Variants in SLC9C1 observed in about 807,000 individuals in gnomAD.
SLC9C1 encodes solute carrier family 9 member C1.
In SLC9C1, 97 loss-of-function variants were observed where a neutral mutation model predicts 140.9. The observed-to-expected ratio is 0.69, with a 90% CI of 0.58 to 0.82. The LOEUF is 0.82. Ranked by LOEUF, SLC9C1 falls within the 40% of genes least tolerant of loss-of-function variation. SLC9C1 has a pLI of 0.00. For synonymous variants in SLC9C1, 440 were observed against 442.6 expected (o/e 0.99, Z 0.07); for missense variants, 1,340 against 1,389.3 (o/e 0.96, Z 0.56).
At chr3:112,252,688 C>G (rs533319332) in intron 10 of SLC9C1, among the ~76,000 whole-genome samples, 1 of 152,206 alleles carries the variant, frequency 6.6e-6, no homozygotes, top group African/African-American at 2.4e-5. Flanking sequence ...AGACTGCCAT[C>G]TTTGCTGTTT....
At chr3:112,185,627 C>G (rs2077520892) in intron 20 of SLC9C1, 2 of 1,579,984 alleles carry the variant, frequency 1.3e-6, no homozygotes, top group Admixed American at 3.7e-5. Flanking sequence ...GGGGCAGGCT[C>G]CTGACCCGGA....
chr3:112,277,840 G>T lies in SLC9C1; in HGVS notation c.339C>A (p.Pro113=), dbSNP rs377123017. ...LFWQILLISI[P]GFLVNYILVL... is the part of the protein sequence containing the mutation. The stretch of plus-strand genomic sequence containing the variant: ...CTAAGATATAATTAACCAAAAAGCC[G>T]GGAATTGAAATTAAAAGTATCTGCA... Residue 113 remains proline, a synonymous_variant, in exon 5 of 29, where the codon CCC becomes CCA. Coordinates refer to ENST00000305815, the MANE Select transcript of SLC9C1 (RefSeq NM_183061.3). 1.9e-6 allele frequency: 3 copies of T among 1,595,410 alleles called. No individual in the cohort carries two copies. Among genetic ancestry groups the T allele is most frequent in the Admixed American group, 1.8e-5 (1 of 54,924 alleles).
chr3:112,266,444 T>TTA, intron 7 of SLC9C1, 104 bp from the exon 8 acceptor site: 1 of 830,012 alleles, frequency 1.2e-6, no homozygotes, highest in Non-Finnish European at 1.8e-6. Context: ...TACCATGACT[T>TTA]TTATAGAGAG....
At chr3:112,185,977 C>G (rs1309300788) in intron 20 of SLC9C1, 2 of 1,555,934 alleles carry the variant, frequency 1.3e-6, no homozygotes, top group African/African-American at 1.3e-5. Flanking sequence ...TCTCTGCTGC[C>G]GGCTGGGACC....
intron 23 of SLC9C1, among the ~76,000 whole-genome samples, chr3:112,171,376 A>G (rs185902032): frequency 6.6e-6 from 1 of 152,264 alleles, no homozygotes; most frequent in East Asian, 1.9e-4. Flanking sequence ...GATGGTGAAC[A>G]TCTTCATGTG....
chr3:112,289,331 T>C (rs951085419), intron 1 of SLC9C1, among the ~76,000 whole-genome samples: 1 of 152,192 alleles, frequency 6.6e-6, no homozygotes, highest in East Asian at 1.9e-4. Flanking sequence ...GTCTGGGTAA[T>C]TTTGGAAAAG....
At chr3:112,152,234 A>T (rs1252033334) in intron 27 of SLC9C1, among the ~76,000 whole-genome samples, 1 of 152,126 alleles carries the variant, frequency 6.6e-6, no homozygotes, top group Non-Finnish European at 1.5e-5. Context: ...TGGCAGGACT[A>T]TAGGGTAATG....
intron 28 of SLC9C1, chr3:112,151,330 A>T: frequency 1.9e-6 from 1 of 518,904 alleles, no homozygotes; most frequent in South Asian, 1.4e-5. Flanking sequence ...GCTTTCTTTT[A>T]TCCTCTCTTG....
intron 6 of SLC9C1, 43 bp downstream of exon 6, chr3:112,274,854 C>A: frequency 7.0e-7 from 1 of 1,423,722 alleles, no homozygotes; most frequent in Non-Finnish European, 9.4e-7. Context: ...TCAGAAAATA[C>A]AGGATTCTGA....
intron 6 of SLC9C1, among the ~76,000 whole-genome samples, chr3:112,273,442 A>C (rs62277011): frequency 5.9e-5 from 9 of 151,918 alleles, no homozygotes; most frequent in Non-Finnish European, 1.2e-4. Flanking sequence ...GGCTAGGTAA[A>C]CTAACACCAT....
intron 15 of SLC9C1, among the ~76,000 whole-genome samples, chr3:112,212,408 G>T (rs1005982312): frequency 1.3e-5 from 2 of 152,142 alleles, no homozygotes. Context: ...AAACTTCTCC[G>T]AGCTAAAGGA....
intron 26 of SLC9C1, among the ~76,000 whole-genome samples, chr3:112,159,218 A>C (rs2075216091): frequency 1.3e-5 from 2 of 151,836 alleles, no homozygotes. Flanking sequence ...TATTTCAATA[A>C]ATTAAAAAAA....
chr3:112,262,935 CT>C lies in SLC9C1; in HGVS notation c.1185del (p.Glu396LysfsTer11), dbSNP rs1433991522. On this transcript the variant is annotated frameshift_variant, in exon 10 of 29. Transcript: ENST00000305815. LOFTEE classifies it high-confidence loss of function. ...AYSDLYFGSD[K>X]EKSQILFHGV... ...ACAGCTTTCTTTACTTGAGATTTTT[CT>C]TTGTCAGATCCAAAATAAAGATCAG... 6.4e-7 allele frequency: 1 copy of C among 1,569,280 alleles called. No individual in the cohort carries two copies. The highest frequency in any genetic ancestry group is 8.6e-7 in the Non-Finnish European group (1 of 1,164,850).
chr3:112,210,739 G>C (rs142864755), intron 15 of SLC9C1, among the ~76,000 whole-genome samples: 13 of 152,158 alleles, frequency 8.5e-5, no homozygotes, highest in Admixed American at 1.3e-4. Flanking sequence ...TTAGGGTGGT[G>C]GCTGACCCCC....
intron 1 of SLC9C1, among the ~76,000 whole-genome samples, chr3:112,291,770 T>A (rs1423475005): frequency 6.6e-6 from 1 of 152,184 alleles, no homozygotes; most frequent in Non-Finnish European, 1.5e-5. Context: ...TTACGGGGTA[T>A]AAACACAAAG....
At chr3:112,175,274 G>A (rs1295699862) in intron 23 of SLC9C1, among the ~76,000 whole-genome samples, 2 of 152,178 alleles carry the variant, frequency 1.3e-5, no homozygotes. Context: ...AGGTAACAAT[G>A]AGTGGAGGGT....
chr3:112,199,556 A>C (rs1420344167), intron 19 of SLC9C1, 87 bp from the exon 20 acceptor site: 1 of 1,112,746 alleles, frequency 9.0e-7, no homozygotes, highest in Non-Finnish European at 1.2e-6. Context: ...TCTGTTCTAA[A>C]CCCATGGAAT....
At chr3:112,189,736 G>A (rs972739799) in intron 20 of SLC9C1, among the ~76,000 whole-genome samples, 4 of 152,168 alleles carry the variant, frequency 2.6e-5, no homozygotes, top group African/African-American at 7.2e-5. Context: ...GGTTCCATAT[G>A]GACTTTAAAG....
chr3:112,186,345 A>G (rs1458767566), intron 20 of SLC9C1, among the ~76,000 whole-genome samples: 1 of 152,224 alleles, frequency 6.6e-6, no homozygotes, highest in East Asian at 1.9e-4. Flanking sequence ...AGTTATGTCT[A>G]TAATTTATCT....
Sources: allele counts gnomAD v4.1 joint callset (sites outside exome capture counted in the v4.1 genomes callset), GRCh38; gene constraint gnomAD v4.1.1; transcripts MANE v1.5; gene names NCBI Gene and HGNC (gene_info 2026-07-23, HGNC 2026-07-21).